The following ACOX3 variants were observed in gnomAD, a reference collection of about 807,000 sequenced individuals.
ACOX3 encodes the protein acyl-CoA oxidase 3, pristanoyl.
A neutral mutation model predicts 81.5 loss-of-function variants in ACOX3; 73 were observed. That is an observed-to-expected ratio of 0.90 (90% confidence interval 0.74 to 1.09). The LOEUF (loss-of-function observed/expected upper bound fraction) is 1.09, where lower values mean the gene tolerates loss of function less well. ACOX3 is among the 50% of genes least tolerant of loss of function. The pLI is 0.00. For synonymous variants in ACOX3, 387 were observed against 375.1 expected (o/e 1.03, Z -0.37); for missense variants, 947 against 928.0 (o/e 1.02, Z -0.27).
At chr4:8,378,529 C>A (rs1717250501) in intron 14 of ACOX3, among the ~76,000 whole-genome samples, 1 of 151,880 alleles carries the variant, frequency 6.6e-6, no homozygotes, top group Non-Finnish European at 1.5e-5. Context: ...TTTTTACTCC[C>A]AGGCTGGAAG....
rs1272144228 is a variant in ACOX3 at position 8,423,734 on chromosome 4, C to G, written c.-14-7199G>C. Reference sequence around the variant, plus strand: ...TTTACAGTCCTGGACCTTAAGGATGCCTTTTACTGCATCCCTGTACATCCT... The same window carrying G: ...TTTACAGTCCTGGACCTTAAGGATGGCTTTTACTGCATCCCTGTACATCCT... On this transcript the variant is annotated intron_variant, in intron 1 of 17. Transcript: ENST00000356406. This position sits in a 1 kb window ranked among gnomAD's most constrained non-coding sequence, Gnocchi z 4.2. Among the ~76,000 whole-genome samples the G allele has an allele frequency of 1.3e-5, 2 of 152,146 alleles. No homozygotes were observed. Among genetic ancestry groups the G allele is most frequent in the African/African-American group, 2.4e-5 (1 of 41,418 alleles).
chr4:8,379,941 G>A (rs1414489847), intron 14 of ACOX3, among the ~76,000 whole-genome samples: 3 of 151,930 alleles, frequency 2.0e-5, no homozygotes, highest in African/African-American at 7.3e-5. Flanking sequence ...ATGAGCCAGT[G>A]CAGCAGCCTA....
intron 9 of ACOX3, among the ~76,000 whole-genome samples, chr4:8,396,676 T>TG (rs1241595632): frequency 9.3e-5 from 11 of 118,442 alleles, no homozygotes; most frequent in African/African-American, 3.3e-4. Context: ...AGGCTCCGTC[T>TG]GGGAAAAAAA....
Position 8,381,679 on chromosome 4 carries a change from G to A in ACOX3, c.1538-72C>T, listed in dbSNP as rs1717669537. 1 of 1,189,000 alleles carries A rather than the reference G, an allele frequency of 8.4e-7. No homozygotes were observed. Among genetic ancestry groups the A allele is most frequent in the African/African-American group, 1.5e-5 (1 of 66,142 alleles). The allele number at this position is 1,189,000 out of a possible 1,614,324, so 73.7% of individuals were successfully genotyped here. Reference sequence around the variant, plus strand: ...AGCATTTGTCACAACTCACCCCCAGGGACAAGGCACTGCCAGCATCCTGCA... The same window carrying A: ...AGCATTTGTCACAACTCACCCCCAGAGACAAGGCACTGCCAGCATCCTGCA... On this transcript the variant is annotated intron_variant, in intron 13 of 17. Coordinates refer to ENST00000356406, the MANE Select transcript of ACOX3 (RefSeq NM_003501.3). The surrounding 1 kb of genome is among the most constrained non-coding windows in gnomAD (Gnocchi z 4.3).
chr4:8,428,423 G>C, intron 1 of ACOX3: 1 of 152,626 alleles, frequency 6.6e-6, no homozygotes, highest in Non-Finnish European at 1.5e-5. Flanking sequence ...CCCGCACAGC[G>C]CAGCTGTCTC....
At chr4:8,408,781 G>A (rs1308449281) in intron 6 of ACOX3, among the ~76,000 whole-genome samples, 1 of 151,688 alleles carries the variant, frequency 6.6e-6, no homozygotes, top group Non-Finnish European at 1.5e-5. Flanking sequence ...ATAGCTTCAG[G>A]ATGAAGACCA....
rs1015113102 is a variant in ACOX3, at chr4:8,407,408, A to C, written c.688-1365T>G. ...GGTGGCTTGCCGCCCACATGGGGCC[A>C]CAGGCCTGGGGCCACCAGGAGCTGA... On this transcript the variant is annotated intron_variant, in intron 6 of 17. Transcript: ENST00000356406. The surrounding 1 kb of genome is among the most constrained non-coding windows in gnomAD (Gnocchi z 4.6). Among the ~76,000 whole-genome samples the C allele has an allele frequency of 2.0e-5, 3 of 152,206 alleles. No individual in the cohort carries two copies. The highest frequency in any genetic ancestry group is 6.5e-5 in the Admixed American group (1 of 15,288).
chr4:8,377,754 C>G (rs1717151203), intron 14 of ACOX3, among the ~76,000 whole-genome samples: 1 of 152,212 alleles, frequency 6.6e-6, no homozygotes, highest in African/African-American at 2.4e-5. Context: ...CAGCATTAAC[C>G]AAGGTGGGCT....
intron 5 of ACOX3, among the ~76,000 whole-genome samples, chr4:8,411,356 C>A (rs1421091915): frequency 6.6e-6 from 1 of 152,188 alleles, no homozygotes; most frequent in Non-Finnish European, 1.5e-5. Context: ...CCTGTCTAAC[C>A]AGTGGGATTC....
rs1010080457 is a variant in ACOX3, at chr4:8,373,712, A to T, written c.1829-84T>A. The stretch of plus-strand genomic sequence containing the variant: ...CCAACATGCCCTGAGTGCACTTTCC[A>T]AATCGGCCATATAGGAGGCCTGTTT... On this transcript the variant is annotated intron_variant, in intron 15 of 17. Transcript: ENST00000356406. 32 of 1,364,242 alleles carry T rather than the reference A, an allele frequency of 2.3e-5. No homozygotes were observed. In the African/African-American group the frequency reaches 4.3e-4, roughly 18 times the overall value. 84.5% of individuals were successfully genotyped at this position (1,364,242 alleles called of 1,614,324 possible).
Position 8,371,000 on chromosome 4 carries a change from G to A in ACOX3, c.1897-6C>T, listed in dbSNP as rs41264709. The A allele has an allele frequency of 0.034, 54,666 of 1,613,676 alleles. 1,177 individuals are homozygous for A. Among genetic ancestry groups the A allele is most frequent in the South Asian group, 0.081 (7,390 of 91,056 alleles). Reference sequence around the variant, plus strand: ...GCAACTGCATCGTCTTTCAGCTGTTGGAAAACAAAGCCCAGACACTTGGCA... The same window carrying A: ...GCAACTGCATCGTCTTTCAGCTGTTAGAAAACAAAGCCCAGACACTTGGCA... On this transcript the variant is annotated splice_region_variant and splice_polypyrimidine_tract_variant and intron_variant, in intron 16 of 17. Transcript: ENST00000356406. This position sits in a 1 kb window ranked among gnomAD's most constrained non-coding sequence, Gnocchi z 6.3.
intron 13 of ACOX3, among the ~76,000 whole-genome samples, chr4:8,383,567 C>T (rs996825549): frequency 1.3e-5 from 2 of 152,170 alleles, no homozygotes; most frequent in African/African-American, 4.8e-5. Context: ...GGAAAAGCCC[C>T]CCCACCACGA....
intron 14 of ACOX3, among the ~76,000 whole-genome samples, chr4:8,375,506 G>A (rs59949744): frequency 0.029 from 4,432 of 152,306 alleles, 83 homozygotes; most frequent in African/African-American, 0.062. Flanking sequence ...CGCCCACCAG[G>A]AGGCCCCCAA....
In ACOX3 at chr4:8,390,105, C is replaced by CAAAA. The variant is rs752872641; in HGVS notation, c.1301-372_1301-371insTTTT. ...GTGACAGAGCAAGACCCTGTCTCAACAACAACAACAACAAAAAAAGCCATG... is the reference window on the plus strand; with the variant it reads ...GTGACAGAGCAAGACCCTGTCTCAACAAAAAACAACAACAACAAAAAAAGCCATG... On this transcript the variant is annotated intron_variant, in intron 11 of 17. Coordinates refer to ENST00000356406, the MANE Select transcript of ACOX3 (RefSeq NM_003501.3). Among the ~76,000 whole-genome samples the CAAAA allele has an allele frequency of 4.7e-4, 61 of 129,740 alleles. 5 individuals carry two copies. Among genetic ancestry groups the CAAAA allele is most frequent in the African/African-American group, 1.8e-3 (54 of 30,470 alleles). 85.1% of individuals were successfully genotyped at this position (129,740 alleles called of 152,430 possible). A position where few individuals can be genotyped will look rare whatever the true frequency, so the allele number is the denominator to read the frequency against.
At chr4:8,360,435 T>C in the ACOX3 span, among the ~76,000 whole-genome samples, 1 of 152,184 alleles carries the variant, frequency 6.6e-6, no homozygotes, top group Non-Finnish European at 1.5e-5. Flanking sequence ...GATATTAAGT[T>C]TGCTAAATGC....
At chr4:8,402,820 T>A (rs554412070) in intron 7 of ACOX3, among the ~76,000 whole-genome samples, 1 of 152,058 alleles carries the variant, frequency 6.6e-6, no homozygotes, top group South Asian at 2.1e-4. Context: ...AAACCCTCAC[T>A]CCAATCCCAG....
In ACOX3 at chr4:8,405,667, G is replaced by A. The variant is rs1720853231; in HGVS notation, c.776+288C>T. 6.6e-6 allele frequency among the ~76,000 whole-genome samples: 1 copy of A among 152,214 alleles called. No individual in the cohort carries two copies. Among genetic ancestry groups the A allele is most frequent in the Non-Finnish European group, 1.5e-5 (1 of 68,032 alleles). The stretch of plus-strand genomic sequence containing the variant: ...ACAGAGGAGGCAGCCCCCCAGGCAG[G>A]GGCCCCACCAGTTGTACACAGAGGT... On this transcript the variant is annotated intron_variant, in intron 7 of 17. Transcript: ENST00000356406. This position sits in a 1 kb window ranked among gnomAD's most constrained non-coding sequence, Gnocchi z 7.1.
At chr4:8,359,362 C>A in the ACOX3 span, among the ~76,000 whole-genome samples, 1 of 151,930 alleles carries the variant, frequency 6.6e-6, no homozygotes, top group Non-Finnish European at 1.5e-5. The surrounding 1 kb of genome is among the most constrained non-coding windows in gnomAD (Gnocchi z 6.0). Context: ...GTTAGAGGCC[C>A]CTCTTAAGGA....
downstream of ACOX3, among the ~76,000 whole-genome samples, chr4:8,366,069 G>A (rs765327370): frequency 6.6e-6 from 1 of 152,154 alleles, no homozygotes; most frequent in Non-Finnish European, 1.5e-5. Flanking sequence ...TAAGAAGCAG[G>A]ACCCAGATGC....
Sources: gnomAD v4.1 joint callset for allele counts (sites outside exome capture counted in the v4.1 genomes callset) on GRCh38, gnomAD v4.1.1 for gene constraint, Gnocchi (gnomAD v3.1) non-coding constraint, MANE v1.5 for transcripts, NCBI Gene and HGNC (gene_info 2026-07-23, HGNC 2026-07-21) for gene names.